KCTD16: variants seen among roughly 807,000 people sequenced by gnomAD.
KCTD16 encodes potassium channel tetramerization domain containing 16, also known as BTB/POZ domain-containing protein KCTD16.
Under a neutral mutation model 33.2 loss-of-function variants are expected in KCTD16, and 13 were observed. The ratio of observed to expected loss-of-function variants is 0.39; its 90% confidence interval spans 0.25 to 0.62. The LOEUF (loss-of-function observed/expected upper bound fraction) is 0.62, where lower values mean the gene tolerates loss of function less well. Ranked by LOEUF, KCTD16 falls within the 20% of genes least tolerant of loss-of-function variation. The pLI is 0.50. For missense variants in KCTD16, 441 were observed against 525.1 expected (o/e 0.84, Z 1.57); for synonymous variants, 197 against 195.3 (o/e 1.01, Z -0.07).
At chr5:144,179,334 A>G (rs1752570794) in intron 2 of KCTD16, among the ~76,000 whole-genome samples, 1 of 152,080 alleles carries the variant, frequency 6.6e-6, no homozygotes, top group African/African-American at 2.4e-5. Context: ...AAATTATTCA[A>G]AGAAGCAAAT....
intron 3 of KCTD16, among the ~76,000 whole-genome samples, chr5:144,235,601 G>A (rs1241113316): frequency 2.0e-5 from 3 of 152,096 alleles, no homozygotes; most frequent in Admixed American, 2.0e-4. Flanking sequence ...TGAATGTGAA[G>A]TGCTCAGCAA....
At chr5:144,381,211 C>A (rs960698168) in intron 3 of KCTD16, among the ~76,000 whole-genome samples, 2 of 152,058 alleles carry the variant, frequency 1.3e-5, no homozygotes, top group Non-Finnish European at 2.9e-5. Context: ...ACATCAGTAA[C>A]CATCAGAGAA....
At chr5:144,460,768 G>T (rs966966502) in intron 3 of KCTD16, among the ~76,000 whole-genome samples, 1 of 152,172 alleles carries the variant, frequency 6.6e-6, no homozygotes, top group Non-Finnish European at 1.5e-5. Context: ...TAAAATCCCT[G>T]TGGCCAGCTG....
intron 3 of KCTD16, among the ~76,000 whole-genome samples, chr5:144,261,424 A>G (rs1204950069): frequency 6.6e-6 from 1 of 152,146 alleles, no homozygotes; most frequent in Non-Finnish European, 1.5e-5. Flanking sequence ...ATGTGCCTGC[A>G]CCCTCTCTGC....
At chr5:144,199,518 C>T (rs1580782382) in intron 2 of KCTD16, among the ~76,000 whole-genome samples, 1 of 152,094 alleles carries the variant, frequency 6.6e-6, no homozygotes, top group Non-Finnish European at 1.5e-5. Flanking sequence ...ATATGAGAAT[C>T]GTGCAGCTAA....
At chr5:144,247,351 G>A (rs1350991600) in intron 3 of KCTD16, among the ~76,000 whole-genome samples, 1 of 152,166 alleles carries the variant, frequency 6.6e-6, no homozygotes, top group Admixed American at 6.6e-5. Flanking sequence ...GGCAACTCAG[G>A]CACACAGAGA....
intron 3 of KCTD16, among the ~76,000 whole-genome samples, chr5:144,264,969 A>C (rs1354210689): frequency 6.6e-6 from 1 of 152,230 alleles, no homozygotes; most frequent in Admixed American, 6.5e-5. Context: ...AACAGAAATG[A>C]GTAAATCTTC....
At chr5:144,432,115 T>C (rs766732724) in intron 3 of KCTD16, among the ~76,000 whole-genome samples, 5 of 152,196 alleles carry the variant, frequency 3.3e-5, no homozygotes, top group Non-Finnish European at 7.3e-5. Context: ...TGTTTGGCAA[T>C]ATATACATTT....
intron 2 of KCTD16, among the ~76,000 whole-genome samples, chr5:144,189,274 C>G (rs1307312872): frequency 6.6e-6 from 1 of 151,946 alleles, no homozygotes; most frequent in Non-Finnish European, 1.5e-5. Context: ...GGGCGGATCA[C>G]GAGGTCAGGA....
At chr5:144,196,876 T>G (rs1752949773) in intron 2 of KCTD16, among the ~76,000 whole-genome samples, 1 of 152,236 alleles carries the variant, frequency 6.6e-6, no homozygotes, top group Non-Finnish European at 1.5e-5. Context: ...GAGATGTGCT[T>G]GAGGCTCAGA....
At chr5:144,194,995 A>T (rs1425076162) in intron 2 of KCTD16, among the ~76,000 whole-genome samples, 1 of 152,174 alleles carries the variant, frequency 6.6e-6, no homozygotes, top group African/African-American at 2.4e-5. Context: ...ATCAAAAGTA[A>T]CTTGTTCTTT....
chr5:144,281,146 T>C (rs779738495), intron 3 of KCTD16, among the ~76,000 whole-genome samples: 51 of 152,216 alleles, frequency 3.4e-4, no homozygotes, highest in Non-Finnish European at 5.9e-4. Context: ...CGCGCCACTG[T>C]ACTCCAGCCT....
At chr5:144,290,226 C>T (rs1755858160) in intron 3 of KCTD16, among the ~76,000 whole-genome samples, 1 of 152,000 alleles carries the variant, frequency 6.6e-6, no homozygotes, top group East Asian at 1.9e-4. Context: ...GTCCCTGAGG[C>T]AGAGATTGCA....
chr5:144,442,206 G>C (rs972372077), intron 3 of KCTD16, among the ~76,000 whole-genome samples: 8 of 152,134 alleles, frequency 5.3e-5, no homozygotes, highest in Admixed American at 3.9e-4. Context: ...TTTGTCAGAA[G>C]TAGTGTTTAA....
intron 3 of KCTD16, among the ~76,000 whole-genome samples, chr5:144,312,532 T>A (rs970825311): frequency 2.0e-5 from 3 of 152,154 alleles, no homozygotes; most frequent in Admixed American, 6.5e-5. Flanking sequence ...TTAACTGAAG[T>A]AAAGTAGTTA....
chr5:144,407,399 G>T (rs1205785837), intron 3 of KCTD16, among the ~76,000 whole-genome samples: 2 of 151,674 alleles, frequency 1.3e-5, no homozygotes, highest in African/African-American at 2.4e-5. Context: ...AAAAACTTAG[G>T]TTCAGGAGTA....
chr5:144,289,706 CCTAT>C (rs879346243), intron 3 of KCTD16, among the ~76,000 whole-genome samples: 2 of 152,068 alleles, frequency 1.3e-5, no homozygotes, highest in Admixed American at 1.3e-4. Context: ...AGCTGAATAA[CCTAT>C]CTATTTCAAT....
chr5:144,459,144 C>T (rs972809261), intron 3 of KCTD16, among the ~76,000 whole-genome samples: 1 of 152,164 alleles, frequency 6.6e-6, no homozygotes, highest in African/African-American at 2.4e-5. Flanking sequence ...TTGTTGAAGA[C>T]ATTTGAACAA....
At position 144,476,363 on chromosome 5, in the gene KCTD16, G is replaced by T. The variant is rs1044514098; in HGVS notation, c.*2249G>T. The T allele has an allele frequency of 6.6e-6, 1 of 152,126 alleles. No homozygotes were observed. The highest frequency in any genetic ancestry group is 6.6e-5 in the Admixed American group (1 of 15,262). The allele number at this position is 152,126 out of a possible 1,614,324, so 9.4% of individuals were successfully genotyped here. A position where few individuals can be genotyped will look rare whatever the true frequency, so the allele number is the denominator to read the frequency against. On this transcript the variant is annotated 3_prime_UTR_variant, in exon 4 of 4. Transcript: ENST00000512467. ...AGAGAGATACCCTTATAAGAGTAAAGAATTAAGATGATAGTCAACCCAATA... is the reference window on the plus strand; with the variant it reads ...AGAGAGATACCCTTATAAGAGTAAATAATTAAGATGATAGTCAACCCAATA...
Sources: gnomAD v4.1 joint callset for allele counts (sites outside exome capture counted in the v4.1 genomes callset) on GRCh38, gnomAD v4.1.1 for gene constraint, MANE v1.5 for transcripts, NCBI Gene and HGNC (gene_info 2026-07-23, HGNC 2026-07-21) for gene names.